BOLL: variants seen among roughly 807,000 people sequenced by gnomAD.
BOLL encodes the protein boule RNA binding protein.
BOLL carries 23 observed loss-of-function variants against 44.4 expected under a neutral mutation model. The ratio of observed to expected loss-of-function variants is 0.52; its 90% CI spans 0.37 to 0.73. The LOEUF (loss-of-function observed/expected upper bound fraction) is 0.73. Ranked by LOEUF, BOLL falls within the 30% of genes least tolerant of loss-of-function variation. The pLI is 0.00. For synonymous variants in BOLL, 97 were observed against 110.8 expected (o/e 0.88, Z 0.78); for missense variants, 287 against 338.3 (o/e 0.85, Z 1.19).
intron 10 of BOLL, among the ~76,000 whole-genome samples, chr2:197,739,457 G>A (rs980110069): frequency 6.6e-6 from 1 of 152,060 alleles, no homozygotes. Context: ...TGTAGAGGCT[G>A]AGGAGTTAGC....
chr2:197,778,129 C>T (rs902726865), intron 3 of BOLL, among the ~76,000 whole-genome samples: 3 of 151,902 alleles, frequency 2.0e-5, no homozygotes, highest in Non-Finnish European at 2.9e-5. Context: ...TCTCACTTCA[C>T]CTTAATATTG....
intron 7 of BOLL, among the ~76,000 whole-genome samples, chr2:197,757,831 C>T (rs954759501): frequency 7.2e-5 from 11 of 152,068 alleles, no homozygotes; most frequent in Non-Finnish European, 1.3e-4. Flanking sequence ...AGTAACCCAA[C>T]TTAAAAATTG....
chr2:197,755,665 T>C (rs1688480295), intron 9 of BOLL, among the ~76,000 whole-genome samples: 1 of 152,166 alleles, frequency 6.6e-6, no homozygotes, highest in African/African-American at 2.4e-5. Context: ...ACACTGCACG[T>C]TCTCACTTGT....
chr2:197,737,172 C>T lies in BOLL; in HGVS notation c.828+5889G>A, dbSNP rs796728606. Among the ~76,000 whole-genome samples the T allele has an allele frequency of 1.9e-4, 29 of 152,138 alleles. 1 individual carries two copies. The highest frequency in any genetic ancestry group is 6.5e-4 in the African/African-American group (27 of 41,542). ...CATCTTAAAAATTGTATTTAATTTC[C>T]TCTAATACATACGTTCTTATACATA... On this transcript the variant is annotated intron_variant, in intron 10 of 10. Coordinates refer to ENST00000392296, the MANE Select transcript of BOLL (RefSeq NM_033030.6).
chr2:197,739,864 A>G (rs1687656601), intron 10 of BOLL, among the ~76,000 whole-genome samples: 1 of 152,212 alleles, frequency 6.6e-6, no homozygotes, highest in African/African-American at 2.4e-5. Flanking sequence ...TGTATAAATT[A>G]CACAATTTCC....
intron 10 of BOLL, among the ~76,000 whole-genome samples, chr2:197,742,616 A>G (rs1286275797): frequency 1.3e-5 from 2 of 151,942 alleles, no homozygotes; most frequent in East Asian, 3.9e-4. Flanking sequence ...TTGAACAATG[A>G]GAACACATGG....
intron 5 of BOLL, among the ~76,000 whole-genome samples, chr2:197,773,501 T>C (rs1558994315): frequency 6.6e-6 from 1 of 151,930 alleles, no homozygotes; most frequent in Non-Finnish European, 1.5e-5. Context: ...TGAGGCATTA[T>C]AGGGTACGAT....
chr2:197,769,721 G>A (rs1689151993), intron 6 of BOLL, among the ~76,000 whole-genome samples: 1 of 152,088 alleles, frequency 6.6e-6, no homozygotes, highest in South Asian at 2.1e-4. Flanking sequence ...CAAACAGAGA[G>A]CCAAACCATG....
At chr2:197,776,710 T>C (rs1689531440) in intron 4 of BOLL, among the ~76,000 whole-genome samples, 1 of 152,054 alleles carries the variant, frequency 6.6e-6, no homozygotes. Context: ...TCTTAGTTTA[T>C]ATAATGTTTT....
At chr2:197,743,276 C>T (rs1181218808) in intron 9 of BOLL, 117 bp from the exon 10 acceptor site, 3 of 612,146 alleles carry the variant, frequency 4.9e-6, no homozygotes, top group Non-Finnish European at 7.7e-6. Flanking sequence ...GTTAAAAACA[C>T]ATGCCCTTAT....
chr2:197,762,022 C>T (rs1688781114), intron 7 of BOLL, among the ~76,000 whole-genome samples: 1 of 152,156 alleles, frequency 6.6e-6, no homozygotes, highest in Admixed American at 6.5e-5. Context: ...TTCAACACCC[C>T]ACTCTCAGCA....
intron 6 of BOLL, among the ~76,000 whole-genome samples, chr2:197,769,542 GA>G (rs1689142509): frequency 6.6e-6 from 1 of 152,088 alleles, no homozygotes. Context: ...ATTCAATTAG[GA>G]AAAGAGGAAG....
intron 6 of BOLL, among the ~76,000 whole-genome samples, chr2:197,769,852 GACACAA>G (rs1390912872): frequency 6.6e-6 from 1 of 152,082 alleles, no homozygotes; most frequent in Non-Finnish European, 1.5e-5. Flanking sequence ...AATAAAAGAG[GACACAA>G]ACAAATGGGA....
At chr2:197,752,838 A>G (rs1248611499) in intron 9 of BOLL, among the ~76,000 whole-genome samples, 2 of 152,232 alleles carry the variant, frequency 1.3e-5, no homozygotes, top group Non-Finnish European at 2.9e-5. Context: ...AAGAGGCCAT[A>G]TAACCAAGAC....
intron 5 of BOLL, chr2:197,774,736 T>C (rs1405256973): frequency 6.6e-6 from 1 of 151,920 alleles, no homozygotes; most frequent in African/African-American, 2.4e-5. Context: ...ATTTAGTGCA[T>C]TCCATTTTGT....
rs544336614 is a variant in BOLL, at chr2:197,737,833, C to T, written c.828+5228G>A. On this transcript the variant is annotated intron_variant, in intron 10 of 10. Transcript: ENST00000392296. The stretch of plus-strand genomic sequence containing the variant: ...AATTTACTTCTGAATCATACTTTGT[C>T]GACCATTAGTTGTGTTTTTCATTTA... 4.6e-5 allele frequency among the ~76,000 whole-genome samples: 7 copies of T among 152,154 alleles called. No homozygotes were observed. The South Asian group carries it at 8.3e-4, about 18-fold the overall frequency.
chr2:197,768,303 G>A (rs1689088045), intron 6 of BOLL, among the ~76,000 whole-genome samples: 1 of 151,830 alleles, frequency 6.6e-6, no homozygotes, highest in South Asian at 2.1e-4. Context: ...ATACTGAAAT[G>A]TCCCAAGTTA....
At chr2:197,776,799 A>G (rs1026353065) in intron 4 of BOLL, among the ~76,000 whole-genome samples, 1 of 151,922 alleles carries the variant, frequency 6.6e-6, no homozygotes, top group African/African-American at 2.4e-5. Context: ...TCAAAATGCT[A>G]TTAACACTTC....
In BOLL at chr2:197,747,987, G is replaced by A. The variant is rs377115017; in HGVS notation, c.730-4828C>T. Among the ~76,000 whole-genome samples, 67 of 152,288 alleles carry A rather than the reference G, an allele frequency of 4.4e-4. 1 individual carries two copies. The highest frequency in any genetic ancestry group is 1.4e-3 in the African/African-American group (60 of 41,576). Reference sequence around the variant, plus strand: ...GGCCAAATAGGACCAGCTCTGGTCCGCAGCTTCCAGTGAGAACAATGTAGA... The same window carrying A: ...GGCCAAATAGGACCAGCTCTGGTCCACAGCTTCCAGTGAGAACAATGTAGA... On this transcript the variant is annotated intron_variant, in intron 9 of 10. Transcript: ENST00000392296.
Sources: gnomAD v4.1 joint callset for allele counts (sites outside exome capture counted in the v4.1 genomes callset) on GRCh38, gnomAD v4.1.1 for gene constraint, MANE v1.5 for transcripts, NCBI Gene and HGNC (gene_info 2026-07-23, HGNC 2026-07-21) for gene names.